Variants in PKD1L3 observed in about 807,000 individuals in gnomAD.
PKD1L3 encodes the protein polycystin-1-like protein 3.
A neutral mutation model predicts 184.1 loss-of-function variants in PKD1L3; 239 were observed. The ratio of observed to expected loss-of-function variants is 1.30; its 90% confidence interval spans 1.17 to 1.45. PKD1L3 has a LOEUF of 1.45. PKD1L3 is among the 40% of genes most tolerant of loss of function. PKD1L3 has a pLI of 0.00. For missense variants in PKD1L3, 2,660 were observed against 2,067.2 expected, an observed-to-expected ratio of 1.29 and a Z score of -5.56; for synonymous variants, 996 against 778.8, an observed-to-expected ratio of 1.28 and a Z score of -4.64.
chr16:71,940,250 A>C (rs913181161), intron 24 of PKD1L3, among the ~76,000 whole-genome samples: 1 of 152,150 alleles, frequency 6.6e-6, no homozygotes, highest in African/African-American at 2.4e-5. Context: ...GTATGAGAGA[A>C]TCTGGACTTG....
At chr16:71,951,880 T>C in intron 18 of PKD1L3, 136 bp from the exon 19 acceptor site, 1 of 758,966 alleles carries the variant, frequency 1.3e-6, no homozygotes, top group Middle Eastern at 3.1e-4. Context: ...TTTTTCATGT[T>C]CCTCTAATTT....
chr16:71,933,863 A>AT, intron 27 of PKD1L3, 52 bp downstream of exon 27: 2 of 1,527,800 alleles, frequency 1.3e-6, no homozygotes, highest in Non-Finnish European at 1.8e-6. Flanking sequence ...AAGCGATGCG[A>AT]TTCCAAGACC....
chr16:71,941,614 T>TCG (rs1267230042), intron 24 of PKD1L3, among the ~76,000 whole-genome samples: 1 of 131,678 alleles, frequency 7.6e-6, no homozygotes, highest in Non-Finnish European at 1.6e-5. Context: ...AGATGGAGTC[T>TCG]CGCTCTGTCA....
At chr16:71,968,560 T>G (rs1368639618) in intron 13 of PKD1L3, among the ~76,000 whole-genome samples, 1 of 152,190 alleles carries the variant, frequency 6.6e-6, no homozygotes. Flanking sequence ...ATTTTTGTTT[T>G]AAAAAACATG....
chr16:71,993,936 A>C (rs1053230975), intron 2 of PKD1L3, among the ~76,000 whole-genome samples: 1 of 151,980 alleles, frequency 6.6e-6, no homozygotes, highest in Non-Finnish European at 1.5e-5. Context: ...CACCACGCCT[A>C]ATTTTTTATT....
chr16:71,952,932 C>T lies in PKD1L3; in HGVS notation c.2971G>A (p.Ala991Thr), dbSNP rs373727886. Residue 991 changes from alanine (A) to threonine (T), a missense_variant, in exon 18 of 30, where the codon GCT (alanine) becomes ACT (threonine). Coordinates refer to ENST00000620267, the MANE Select transcript of PKD1L3 (RefSeq NM_181536.2). Reference protein sequence around the residue: ...PPIQASCLSDASVEPLSATMV... With the variant: ...PPIQASCLSDTSVEPLSATMV... The stretch of plus-strand genomic sequence containing the variant: ...GTGGCAGAGAGAGGCTCAACAGAAG[C>T]ATCTGAGAGGCAGGAGGCCTGGATG... 4 of 1,550,746 alleles carry T rather than the reference C, an allele frequency of 2.6e-6. No individual in the cohort carries two copies. In the South Asian group the frequency reaches 4.8e-5, roughly 18 times the overall value.
chr16:71,948,082 TTTA>T (rs773488781), intron 21 of PKD1L3, among the ~76,000 whole-genome samples: 3 of 151,798 alleles, frequency 2.0e-5, no homozygotes, highest in Non-Finnish European at 4.4e-5. Flanking sequence ...CCCAGTTTAT[TTTA>T]TTATTATTTT....
In PKD1L3 at chr16:71,951,567, G is replaced by C; in HGVS notation, c.3187C>G (p.Arg1063Gly). The change falls in exon 19 of 30, where the codon CGT (arginine) becomes GGT (glycine). Residue 1063 changes from arginine (R) to glycine (G), a missense_variant. By Grantham distance (125) the Arg-to-Gly change is moderately radical. Coordinates refer to ENST00000620267, the MANE Select transcript of PKD1L3 (RefSeq NM_181536.2). ...ACTGAAATCTACTGAAGTTTACCAC[G>C]TGCCCAGTGGCGCTCTCCCTGCTGA... ...CHQQGERHWA[R>G]VVPENHHHFC... The C allele has an allele frequency of 1.3e-6, 2 of 1,548,486 alleles. No individual in the cohort carries two copies. Among genetic ancestry groups the C allele is most frequent in the Non-Finnish European group, 1.7e-6 (2 of 1,145,658 alleles).
rs973708423 is a variant in PKD1L3 at position 71,998,363 on chromosome 16, G to A, written c.327C>T (p.Pro109=). 2 of 1,551,610 alleles carry A rather than the reference G, an allele frequency of 1.3e-6. No individual in the cohort carries two copies. The highest frequency in any genetic ancestry group is 2.4e-5 in the East Asian group (1 of 40,944). The stretch of plus-strand genomic sequence containing the variant: ...TTCTGGACAGGTAGGTGCAGCTGAG[G>A]GGCTTTGGGGGCCCGTTGGCTGCAA... ...ADVAANGPPK[P]LSCTYLSRNF... The change falls in exon 2 of 30, where the codon CCC becomes CCT. Residue 109 remains proline (P), a synonymous_variant. Coordinates refer to ENST00000620267, the MANE Select transcript of PKD1L3 (RefSeq NM_181536.2).
intron 4 of PKD1L3, among the ~76,000 whole-genome samples, chr16:71,987,665 G>T (rs1426027612): frequency 9.2e-5 from 14 of 151,984 alleles, no homozygotes; most frequent in Admixed American, 9.2e-4. Flanking sequence ...GTGAGCCACT[G>T]CACCCGGCCT....
intron 3 of PKD1L3, among the ~76,000 whole-genome samples, chr16:71,990,857 TCAA>T (rs1025558582): frequency 5.3e-5 from 8 of 151,744 alleles, no homozygotes; most frequent in African/African-American, 9.7e-5. Context: ...CTGAAAATTA[TCAA>T]CAACAAAATC....
chr16:71,998,411 C>T lies in PKD1L3; in HGVS notation c.296-17G>A, dbSNP rs775289020. The T allele has an allele frequency of 1.5e-5, 23 of 1,540,504 alleles. No homozygotes were observed. The highest frequency in any genetic ancestry group is 6.6e-5 in the Admixed American group (3 of 45,606). The stretch of plus-strand genomic sequence containing the variant: ...CAACGTCTGCTGAGGGGAGATCAGA[C>T]GCAGATGAGCCTCATACTCGAAAGC... On this transcript the variant is annotated splice_polypyrimidine_tract_variant and intron_variant, in intron 1 of 29. Transcript: ENST00000620267.
rs373348819 is a variant in PKD1L3 at position 71,943,807 on chromosome 16, G to A, written c.3859+223C>T. On this transcript the variant is annotated intron_variant, in intron 23 of 29. Transcript: ENST00000620267. ...AGTGTTATTACATTTTGCAGGTGGAGAAAGTGACTTACTCAAGCACACAAT... is the reference window on the plus strand; with the variant it reads ...AGTGTTATTACATTTTGCAGGTGGAAAAAGTGACTTACTCAAGCACACAAT... Among the ~76,000 whole-genome samples, 24 of 152,296 alleles carry A rather than the reference G, an allele frequency of 1.6e-4. 1 individual carries two copies. The highest frequency in any genetic ancestry group is 9.8e-4 in the Admixed American group (15 of 15,302).
intron 15 of PKD1L3, among the ~76,000 whole-genome samples, chr16:71,964,309 CTTTTTTTTTTTTTTTTTTTTTTTTTTTTT>C (rs772995457): frequency 0.011 from 632 of 56,656 alleles, 18 homozygotes; most frequent in African/African-American, 0.039. Flanking sequence ...TCGTCAAAAT[CTTTTTTTTTTTTTTTTTTTTTTTTTTTTT>C]TTTTTTTTTT....
At chr16:71,938,740 CACAA>C (rs953480980) in intron 24 of PKD1L3, among the ~76,000 whole-genome samples, 5 of 152,300 alleles carry the variant, frequency 3.3e-5, no homozygotes, top group Admixed American at 2.6e-4. Flanking sequence ...CTGAGGGCTA[CACAA>C]ACAATGGGAC....
intron 13 of PKD1L3, among the ~76,000 whole-genome samples, chr16:71,968,513 G>A (rs1190085836): frequency 6.6e-6 from 1 of 152,164 alleles, no homozygotes; most frequent in Non-Finnish European, 1.5e-5. Context: ...GAAAACATAG[G>A]AAGAACAAAC....
chr16:71,943,998 G>A, intron 23 of PKD1L3, 32 bp downstream of exon 23: 3 of 1,537,128 alleles, frequency 2.0e-6, no homozygotes, highest in South Asian at 2.4e-5. Flanking sequence ...AAGGTGCTGT[G>A]TTATCAGTAT....
intron 16 of PKD1L3, among the ~76,000 whole-genome samples, chr16:71,957,449 C>G (rs1451789777): frequency 1.3e-5 from 2 of 152,104 alleles, no homozygotes; most frequent in African/African-American, 2.4e-5. Flanking sequence ...CCTAATCCAA[C>G]TGTATTCTGT....
chr16:71,929,781 A>AGAT, intron 29 of PKD1L3, 103 bp from the exon 30 acceptor site: 1 of 1,182,126 alleles, frequency 8.5e-7, no homozygotes, highest in Non-Finnish European at 1.2e-6. Flanking sequence ...GTAAATGTAA[A>AGAT]GATACTATTT....
Sources: gnomAD v4.1 joint callset for allele counts (sites outside exome capture counted in the v4.1 genomes callset) on GRCh38, gnomAD v4.1.1 for gene constraint, MANE v1.5 for transcripts, NCBI Gene and HGNC (gene_info 2026-07-23, HGNC 2026-07-21) for gene names.